SLC35F4: variants seen among roughly 807,000 people sequenced by gnomAD.
SLC35F4 encodes the protein solute carrier family 35 member F4, also known as chromosome 14 open reading frame 36.
SLC35F4 carries 24 observed loss-of-function variants against 44.2 expected under a neutral mutation model. The observed-to-expected ratio is 0.54, with a 90% CI of 0.39 to 0.76. SLC35F4 has a LOEUF of 0.76. Among genes scored for constraint, SLC35F4 ranks in the 30% least tolerant of loss-of-function variants. SLC35F4 has a pLI of 0.00. For synonymous variants in SLC35F4, 238 were observed against 223.6 expected, an observed-to-expected ratio of 1.06 and a Z score of -0.57; for missense variants, 562 against 586.1, an observed-to-expected ratio of 0.96 and a Z score of 0.42.
At chr14:57,949,526 A>G (rs566175104) in intron 1 of SLC35F4, among the ~76,000 whole-genome samples, 1 of 152,098 alleles carries the variant, frequency 6.6e-6, no homozygotes, top group African/African-American at 2.4e-5. Flanking sequence ...GCCATTTGCA[A>G]TGTCAATATT....
At chr14:57,865,435 G>T (rs910983186) in intron 1 of SLC35F4, among the ~76,000 whole-genome samples, 4 of 152,204 alleles carry the variant, frequency 2.6e-5, no homozygotes, top group African/African-American at 7.2e-5. Context: ...GCCAACGGCG[G>T]TCAGGAGCGC....
chr14:57,716,033 G>C (rs2075931316), intron 1 of SLC35F4, among the ~76,000 whole-genome samples: 1 of 152,214 alleles, frequency 6.6e-6, no homozygotes. Context: ...GTCAGAAGTA[G>C]TTTATTGGAT....
intron 1 of SLC35F4, among the ~76,000 whole-genome samples, chr14:57,915,198 T>G (rs1336290939): frequency 6.6e-6 from 1 of 152,176 alleles, no homozygotes; most frequent in Non-Finnish European, 1.5e-5. Flanking sequence ...GAAGCAGCCC[T>G]GAGCACAAAG....
chr14:57,599,698 G>T lies in SLC35F4; in HGVS notation c.104-5574C>A, dbSNP rs1045988005. 6.0e-5 allele frequency among the ~76,000 whole-genome samples: 9 copies of T among 151,054 alleles called. No homozygotes were observed. In the Admixed American group the frequency reaches 6.0e-4, roughly 10 times the overall value. ...CTCTACTAAAAATACAAAAATTCTC[G>T]TGTTGAGGCAGGAGAACCTCTTGAA... On this transcript the variant is annotated intron_variant, in intron 1 of 7. Coordinates refer to ENST00000556826, the MANE Select transcript of SLC35F4 (RefSeq NM_001306087.2).
intron 1 of SLC35F4, among the ~76,000 whole-genome samples, chr14:57,699,985 G>C (rs2075491314): frequency 6.6e-6 from 1 of 152,120 alleles, no homozygotes; most frequent in Admixed American, 6.6e-5. Context: ...TACATTCCAG[G>C]ATCACCAGTG....
At chr14:57,877,660 C>G (rs1235645296) in intron 1 of SLC35F4, among the ~76,000 whole-genome samples, 1 of 109,440 alleles carries the variant, frequency 9.1e-6, no homozygotes, top group Non-Finnish European at 1.9e-5. Flanking sequence ...TTGCCAGCAT[C>G]TGTTATTTTT....
chr14:57,732,431 G>T (rs2076365267), intron 1 of SLC35F4, among the ~76,000 whole-genome samples: 1 of 152,174 alleles, frequency 6.6e-6, no homozygotes, highest in African/African-American at 2.4e-5. Flanking sequence ...AAGCTTTTTA[G>T]TTCCAAAATG....
chr14:57,858,989 G>A (rs1048284519), intron 1 of SLC35F4, among the ~76,000 whole-genome samples: 1 of 151,404 alleles, frequency 6.6e-6, no homozygotes, highest in East Asian at 1.9e-4. Flanking sequence ...CGCACCTGTA[G>A]TCCTACTCAG....
chr14:57,717,312 C>G (rs1566790648), intron 1 of SLC35F4, among the ~76,000 whole-genome samples: 1 of 152,122 alleles, frequency 6.6e-6, no homozygotes, highest in Non-Finnish European at 1.5e-5. Flanking sequence ...AATGGCTGCA[C>G]TAATTCACAT....
At chr14:57,915,270 C>T (rs146232747) in intron 1 of SLC35F4, among the ~76,000 whole-genome samples, 62 of 152,236 alleles carry the variant, frequency 4.1e-4, no homozygotes, top group East Asian at 3.7e-3. Context: ...TAGAGGGGCA[C>T]TCTCGAAGAT....
intron 1 of SLC35F4, among the ~76,000 whole-genome samples, chr14:57,843,644 G>T (rs1251283766): frequency 6.6e-6 from 1 of 152,074 alleles, no homozygotes; most frequent in African/African-American, 2.4e-5. Context: ...TAAAAGACTG[G>T]AGACGAAGGG....
At chr14:57,878,038 T>C (rs2141030815) in intron 1 of SLC35F4, among the ~76,000 whole-genome samples, 1 of 152,136 alleles carries the variant, frequency 6.6e-6, no homozygotes, top group Non-Finnish European at 1.5e-5. Flanking sequence ...TATCTCGTTG[T>C]GGTTTTGGGT....
chr14:57,613,591 A>G (rs967501359), intron 1 of SLC35F4, among the ~76,000 whole-genome samples: 2 of 152,170 alleles, frequency 1.3e-5, no homozygotes, highest in Admixed American at 1.3e-4. Context: ...CCGAGCAAAC[A>G]TTTTTCTACC....
At chr14:57,847,644 G>A (rs1566901655) in intron 1 of SLC35F4, among the ~76,000 whole-genome samples, 1 of 152,092 alleles carries the variant, frequency 6.6e-6, no homozygotes, top group South Asian at 2.1e-4. Flanking sequence ...ATACAGAAAA[G>A]TGCATAAACC....
chr14:57,738,972 A>C (rs1469702025), intron 1 of SLC35F4, among the ~76,000 whole-genome samples: 3 of 151,392 alleles, frequency 2.0e-5, no homozygotes, highest in Non-Finnish European at 4.4e-5. Flanking sequence ...AACAACTTTC[A>C]CTCTCTTTGC....
intron 7 of SLC35F4, 81 bp downstream of exon 7, chr14:57,566,394 G>A: frequency 7.6e-7 from 1 of 1,318,968 alleles, no homozygotes; most frequent in Non-Finnish European, 1.0e-6. Flanking sequence ...ATTTCTAGAA[G>A]GAACAACTCA....
At chr14:57,748,974 TG>T (rs1045082005) in intron 1 of SLC35F4, among the ~76,000 whole-genome samples, 1 of 152,148 alleles carries the variant, frequency 6.6e-6, no homozygotes, top group African/African-American at 2.4e-5. Flanking sequence ...ATCTTAACTC[TG>T]TTGTGGGTCT....
chr14:57,977,211 T>C (rs1881244673), intron 1 of SLC35F4, among the ~76,000 whole-genome samples: 1 of 152,194 alleles, frequency 6.6e-6, no homozygotes, highest in South Asian at 2.1e-4. Flanking sequence ...TGCTCTAATT[T>C]ATATAACTAG....
chr14:57,715,653 C>T (rs1247025463), intron 1 of SLC35F4, among the ~76,000 whole-genome samples: 2 of 152,144 alleles, frequency 1.3e-5, no homozygotes, highest in Non-Finnish European at 2.9e-5. Flanking sequence ...ATGGAGCTAA[C>T]TGGTTGGATG....
Sources: gnomAD v4.1 joint callset for allele counts (sites outside exome capture counted in the v4.1 genomes callset) on GRCh38, gnomAD v4.1.1 for gene constraint, MANE v1.5 for transcripts, NCBI Gene and HGNC (gene_info 2026-07-23, HGNC 2026-07-21) for gene names.